Variants in ART3 observed in about 807,000 individuals in gnomAD.
ART3 encodes ecto-ADP-ribosyltransferase 3.
In ART3, 49 loss-of-function variants were observed where a neutral mutation model predicts 48.5. That is an observed-to-expected ratio of 1.01 (90% CI 0.80 to 1.28). The LOEUF is 1.28. ART3 is among the 50% of genes most tolerant of loss of function. The pLI is 0.00. For missense variants in ART3, 438 were observed against 454.3 expected (o/e 0.96, Z 0.33); for synonymous variants, 145 against 157.2 (o/e 0.92, Z 0.58).
intron 11 of ART3, among the ~76,000 whole-genome samples, chr4:76,109,422 C>T (rs1729062845): frequency 6.6e-6 from 1 of 152,084 alleles, no homozygotes; most frequent in Non-Finnish European, 1.5e-5. Flanking sequence ...TATGATAATG[C>T]CTTCTGGAGT....
chr4:76,054,769 G>A (rs1234398120), intron 1 of ART3, among the ~76,000 whole-genome samples: 2 of 152,148 alleles, frequency 1.3e-5, no homozygotes, highest in Non-Finnish European at 2.9e-5. Flanking sequence ...AGGAGATCAA[G>A]GTTGCAATGA....
At position 76,054,397 on chromosome 4, in the gene ART3, T is replaced by C. The variant is rs879833662; in HGVS notation, c.-9-21484T>C. Among the ~76,000 whole-genome samples, 6 of 151,632 alleles carry C rather than the reference T, an allele frequency of 4.0e-5. No homozygotes were observed. In the Admixed American group the frequency reaches 4.0e-4, roughly 10 times the overall value. Reference sequence around the variant, plus strand: ...TTGAACTAAGTGTTATTAAACTTAATGTTTTAAATAGATATAGTTGAGAGT... The same window carrying C: ...TTGAACTAAGTGTTATTAAACTTAACGTTTTAAATAGATATAGTTGAGAGT... On this transcript the variant is annotated intron_variant, in intron 1 of 9. Coordinates refer to the ART3 transcript ENST00000341029.
At chr4:76,023,690 T>C (rs958167140) in intron 1 of ART3, among the ~76,000 whole-genome samples, 3 of 152,234 alleles carry the variant, frequency 2.0e-5, no homozygotes, top group Admixed American at 1.3e-4. Context: ...TCCTCTTTTT[T>C]TGGTAATAGT....
chr4:76,089,245 A>G (rs954332596), intron 3 of ART3, among the ~76,000 whole-genome samples: 5 of 152,212 alleles, frequency 3.3e-5, no homozygotes, highest in African/African-American at 7.2e-5. Context: ...TGCGACAACA[A>G]TTGCTAAAAA....
intron 1 of ART3, 147 bp from the exon 2 acceptor site, chr4:76,075,734 C>A: frequency 1.7e-6 from 1 of 596,204 alleles, no homozygotes; most frequent in East Asian, 2.9e-5. Flanking sequence ...CTCTTGTAGC[C>A]CGTTAGGAAT....
intron 3 of ART3, among the ~76,000 whole-genome samples, chr4:76,089,925 C>G (rs926977384): frequency 4.6e-5 from 7 of 152,020 alleles, no homozygotes; most frequent in Non-Finnish European, 1.0e-4. Context: ...ACTAAAAATA[C>G]AAAAATTAGC....
At chr4:76,046,916 GCGC>G (rs1735561321) in intron 1 of ART3, among the ~76,000 whole-genome samples, 1 of 151,916 alleles carries the variant, frequency 6.6e-6, no homozygotes, top group Non-Finnish European at 1.5e-5. Flanking sequence ...TGAGAAGGCC[GCGC>G]CAGTGTCCAG....
chr4:76,045,032 T>C (rs529207383), intron 1 of ART3, among the ~76,000 whole-genome samples: 4 of 152,186 alleles, frequency 2.6e-5, no homozygotes, highest in African/African-American at 9.6e-5. Context: ...CTTTCCCAGT[T>C]CTAAGGCTCG....
At chr4:76,087,251 G>A (rs373328280) in intron 3 of ART3, among the ~76,000 whole-genome samples, 158 of 152,280 alleles carry the variant, frequency 1.0e-3, no homozygotes, top group African/African-American at 3.6e-3. Flanking sequence ...GTTCAGACCC[G>A]CGTGGAGAAG....
intron 3 of ART3, among the ~76,000 whole-genome samples, chr4:76,087,321 A>G (rs1207520093): frequency 6.6e-6 from 1 of 152,194 alleles, no homozygotes; most frequent in African/African-American, 2.4e-5. Context: ...ACAGTCAGCC[A>G]TTGTACTCGA....
upstream of ART3, among the ~76,000 whole-genome samples, chr4:76,070,042 A>G (rs1720155608): frequency 6.6e-6 from 1 of 152,114 alleles, no homozygotes; most frequent in Admixed American, 6.5e-5. Context: ...GCTGAGTGTT[A>G]TTTCATTTGT....
At chr4:76,019,225 A>G (rs1732536786) in intron 1 of ART3, among the ~76,000 whole-genome samples, 1 of 151,942 alleles carries the variant, frequency 6.6e-6, no homozygotes, top group South Asian at 2.1e-4. Context: ...AAAGAAAAGT[A>G]GAGTAATTAC....
chr4:76,081,208 T>A (rs2149551250), intron 2 of ART3, among the ~76,000 whole-genome samples: 1 of 152,296 alleles, frequency 6.6e-6, no homozygotes, highest in East Asian at 1.9e-4. Flanking sequence ...GACTAAAGAA[T>A]AACTGTTGGA....
chr4:76,089,609 T>A (rs1724389670), intron 3 of ART3, among the ~76,000 whole-genome samples: 1 of 152,186 alleles, frequency 6.6e-6, no homozygotes, highest in South Asian at 2.1e-4. Context: ...AACTCCTTTC[T>A]TTATAAATTA....
chr4:76,081,755 T>C lies in ART3; in HGVS notation c.70-69T>C. 3 of 1,401,742 alleles carry C rather than the reference T, an allele frequency of 2.1e-6. No homozygotes were observed. The South Asian group carries it at 4.0e-5, about 19-fold the overall frequency. The allele number at this position is 1,401,742 out of a possible 1,614,324, so 86.8% of individuals were successfully genotyped here. A position where few individuals can be genotyped will look rare whatever the true frequency, so the allele number is the denominator to read the frequency against. ...GCAAGGGATGAGAAGGTGGGGGTAA[T>C]AATGTGAGAGAAAATGATATTCACT... On this transcript the variant is annotated intron_variant, in intron 2 of 11. Coordinates refer to ENST00000355810, the MANE Select transcript of ART3 (RefSeq NM_001130016.3).
intron 8 of ART3, among the ~76,000 whole-genome samples, chr4:76,103,200 C>A (rs534528170): frequency 1.3e-5 from 2 of 151,990 alleles, no homozygotes; most frequent in African/African-American, 4.8e-5. Context: ...GGTTAGGAGA[C>A]GATAAGGATT....
At chr4:76,076,869 A>G (rs1042637701) in intron 2 of ART3, among the ~76,000 whole-genome samples, 1 of 152,138 alleles carries the variant, frequency 6.6e-6, no homozygotes, top group Non-Finnish European at 1.5e-5. Flanking sequence ...GTTAGCTGCC[A>G]CATTACTTGT....
intron 11 of ART3, chr4:76,111,762 G>C (rs1008378544): frequency 2.6e-5 from 4 of 152,304 alleles, no homozygotes; most frequent in Admixed American, 1.3e-4. Context: ...GGATGGTCTC[G>C]ATCTCCTGAC....
chr4:76,021,147 A>G (rs8878), intron 1 of ART3: 93,068 of 152,160 alleles, frequency 0.61, 29,545 homozygotes, highest in East Asian at 0.94. Flanking sequence ...TAACCTTTTG[A>G]TCTTTCAACA....
Sources: allele counts gnomAD v4.1 joint callset (sites outside exome capture counted in the v4.1 genomes callset), GRCh38; gene constraint gnomAD v4.1.1; transcripts MANE v1.5; gene names NCBI Gene and HGNC (gene_info 2026-07-23, HGNC 2026-07-21).